Variants in BTD observed in about 807,000 individuals in gnomAD.
BTD encodes the protein biocytinase.
In BTD, 13 loss-of-function variants were observed where a neutral mutation model predicts 17.7. That is an observed-to-expected ratio of 0.74 (90% CI 0.48 to 1.17). The LOEUF (loss-of-function observed/expected upper bound fraction) is 1.17, where lower values mean the gene tolerates loss of function less well. Among genes scored for constraint, BTD ranks in the 50% most tolerant of loss-of-function variants. The pLI is 0.00. For synonymous variants in BTD, 240 were observed against 245.2 expected (o/e 0.98, Z 0.20); for missense variants, 674 against 650.4 (o/e 1.04, Z -0.39).
At chr3:15,686,616 C>A (rs1359290204) in intron 3 of BTD, among the ~76,000 whole-genome samples, 1 of 152,148 alleles carries the variant, frequency 6.6e-6, no homozygotes, top group African/African-American at 2.4e-5. Flanking sequence ...GGAAGAGTGC[C>A]TTGACTCCAG....
intron 3 of BTD, chr3:15,684,173 G>T (rs2067850871): frequency 6.6e-6 from 1 of 152,180 alleles, no homozygotes; most frequent in African/African-American, 2.4e-5. Flanking sequence ...AGTTTTCTAA[G>T]ATGATCAAAT....
intron 1 of BTD, among the ~76,000 whole-genome samples, chr3:15,618,890 G>A (rs1225224687): frequency 1.3e-5 from 2 of 152,192 alleles, no homozygotes; most frequent in Non-Finnish European, 2.9e-5. Context: ...ATAAATTGAT[G>A]TTTGCATATG....
chr3:15,670,959 T>TA (rs1380925298), intron 3 of BTD, among the ~76,000 whole-genome samples: 3 of 152,134 alleles, frequency 2.0e-5, no homozygotes, highest in Admixed American at 6.5e-5. Context: ...TAAGAAAAAA[T>TA]AAAAAAATTT....
intron 2 of BTD, among the ~76,000 whole-genome samples, chr3:15,636,695 T>C (rs1473587397): frequency 6.7e-6 from 1 of 148,978 alleles, no homozygotes; most frequent in Non-Finnish European, 1.5e-5. Flanking sequence ...GTGGTCGGGA[T>C]GGCCTGGACA....
intron 1 of BTD, among the ~76,000 whole-genome samples, chr3:15,603,139 A>C (rs942388770): frequency 1.3e-5 from 2 of 152,114 alleles, no homozygotes; most frequent in African/African-American, 4.8e-5. Flanking sequence ...ACATGTGGGG[A>C]TTATGGGAGC....
chr3:15,716,993 C>A (rs542109037), downstream of BTD, among the ~76,000 whole-genome samples: 1 of 152,222 alleles, frequency 6.6e-6, no homozygotes, highest in South Asian at 2.1e-4. Flanking sequence ...AAGCCAAAAC[C>A]AAATCTACTT....
At chr3:15,664,211 G>C (rs2065955152) in intron 3 of BTD, among the ~76,000 whole-genome samples, 1 of 152,370 alleles carries the variant, frequency 6.6e-6, no homozygotes, top group South Asian at 2.1e-4. Flanking sequence ...ATTAGTGATA[G>C]AGGGGTGTTG....
At chr3:15,722,283 C>T (rs1031940003) in exon 5 of BTD, among the ~76,000 whole-genome samples, 20 of 152,152 alleles carry the variant, frequency 1.3e-4, no homozygotes, top group African/African-American at 4.6e-4. Flanking sequence ...ATAATGGAGC[C>T]CCAATAAAAA....
intron 1 of BTD, among the ~76,000 whole-genome samples, chr3:15,604,452 C>A (rs2064382392): frequency 6.6e-6 from 1 of 152,190 alleles, no homozygotes; most frequent in Admixed American, 6.5e-5. Context: ...CCCATGAAAC[C>A]ATTTTTCCTC....
chr3:15,672,388 C>T (rs143208822), intron 3 of BTD, among the ~76,000 whole-genome samples: 123 of 152,184 alleles, frequency 8.1e-4, no homozygotes, highest in African/African-American at 2.7e-3. Flanking sequence ...GTGATCTTCC[C>T]GCCTCTGCCT....
At chr3:15,692,385 G>A (rs1663432145) in intron 3 of BTD, among the ~76,000 whole-genome samples, 1 of 152,168 alleles carries the variant, frequency 6.6e-6, no homozygotes. Context: ...AGGAATTCAA[G>A]ACTGTAGTGA....
chr3:15,621,977 T>G lies in BTD; in HGVS notation c.-16-13447T>G, dbSNP rs141896143. On this transcript the variant is annotated intron_variant, in intron 1 of 3. Coordinates refer to ENST00000643237, the MANE Select transcript of BTD (RefSeq NM_001370658.1). ...TTTATAATATTCCTTTATTATTCTTTCGGTGTCCATGGGATCTGTAGTTAT... is the reference window on the plus strand; with the variant it reads ...TTTATAATATTCCTTTATTATTCTTGCGGTGTCCATGGGATCTGTAGTTAT... 4.0e-3 allele frequency among the ~76,000 whole-genome samples: 607 copies of G among 152,332 alleles called. 10 individuals carry two copies. Among genetic ancestry groups the G allele is most frequent in the East Asian group, 0.028 (147 of 5,186 alleles).
At chr3:15,682,261 A>C (rs1423806354) in intron 3 of BTD, among the ~76,000 whole-genome samples, 1 of 152,322 alleles carries the variant, frequency 6.6e-6, no homozygotes, top group East Asian at 1.9e-4. Context: ...TAAGTATTTA[A>C]AAATTTCTCA....
Position 15,639,787 on chromosome 3 carries a change from G to A in BTD, c.250-2121G>A, listed in dbSNP as rs117656271. 4.5e-3 allele frequency among the ~76,000 whole-genome samples: 680 copies of A among 152,334 alleles called. 7 individuals carry two copies. The highest frequency in any genetic ancestry group is 0.015 in the South Asian group (74 of 4,832). ...ATTGGTATAGTATTTCTGGAAAGCA[G>A]TTTGGCAGTGTGTGTTAAGAACTTA... On this transcript the variant is annotated intron_variant, in intron 2 of 3. Transcript: ENST00000643237.
In BTD at chr3:15,675,780, A is replaced by G. The variant is rs2066872875; in HGVS notation, c.399+33723A>G. On this transcript the variant is annotated intron_variant, in intron 3 of 3. Coordinates refer to the BTD transcript ENST00000672141. ...TTCCTTTGCCACAAACTACTCTTCA[A>G]TATTAACTTTAGCTCTCCTCTTTGA... 6.0e-6 allele frequency: 5 copies of G among 831,364 alleles called. No individual in the cohort carries two copies. In the Admixed American group the frequency reaches 1.0e-4, roughly 17 times the overall value. 51.5% of individuals were successfully genotyped at this position (831,364 alleles called of 1,614,324 possible).
chr3:15,707,947 T>C (rs2071682040), intron 3 of BTD: 1 of 1,613,372 alleles, frequency 6.2e-7, no homozygotes, highest in Non-Finnish European at 8.5e-7. Flanking sequence ...CTGATGTAGC[T>C]GCATAGTGCA....
Position 15,644,895 on chromosome 3 carries a change from G to A in BTD, c.979G>A (p.Ala327Thr). ...VAKNPVGLIGAENATGETDPS... is the reference protein window; with the variant it reads ...VAKNPVGLIGTENATGETDPS... ...CAAAAATCCAGTGGGTCTCATTGGT[G>A]CAGAGAATGCAACAGGTGAAACGGA... is the stretch of plus-strand genomic sequence containing the variant. Residue 327 changes from alanine (A) to threonine (T), a missense_variant, in exon 4 of 4, where the codon GCA becomes ACA. Ala to Thr is a moderately conservative substitution (Grantham distance 58). Coordinates refer to ENST00000643237, the MANE Select transcript of BTD (RefSeq NM_001370658.1). 1 of 1,614,096 alleles carries A rather than the reference G, an allele frequency of 6.2e-7. No homozygotes were observed. Among genetic ancestry groups the A allele is most frequent in the Non-Finnish European group, 8.5e-7 (1 of 1,180,026 alleles).
intron 3 of BTD, among the ~76,000 whole-genome samples, chr3:15,708,394 A>G (rs2071755956): frequency 6.6e-6 from 1 of 152,174 alleles, no homozygotes; most frequent in Admixed American, 6.5e-5. Context: ...ATTTTAGGAA[A>G]GTTTCCCCTA....
At position 15,652,511 on chromosome 3, in the gene BTD, G is replaced by C. The variant is rs556176175; in HGVS notation, c.*7023G>C. 6.6e-5 allele frequency among the ~76,000 whole-genome samples: 10 copies of C among 152,288 alleles called. No individual in the cohort carries two copies. The South Asian group carries it at 2.1e-3, about 32-fold the overall frequency. ...AAGTGGGTCCTCCAGCTGCAGTCAA[G>C]CTTCCAGATGACCACTGCCCTGGGA... is the stretch of plus-strand genomic sequence containing the variant. On this transcript the variant is annotated 3_prime_UTR_variant, in exon 4 of 4. Transcript: ENST00000643237.
Sources: gnomAD v4.1 joint callset for allele counts (sites outside exome capture counted in the v4.1 genomes callset) on GRCh38, gnomAD v4.1.1 for gene constraint, MANE v1.5 for transcripts, NCBI Gene and HGNC (gene_info 2026-07-23, HGNC 2026-07-21) for gene names.